The following VRK3 variants were observed in gnomAD, a reference collection of about 807,000 sequenced individuals.
VRK3 encodes the protein VRK serine/threonine kinase 3, also known as serine/threonine-protein kinase VRK3.
In VRK3, 50 loss-of-function variants were observed where a neutral mutation model predicts 60.4. The observed-to-expected ratio is 0.83, with a 90% CI of 0.66 to 1.05. The LOEUF is 1.05. VRK3 is among the 50% of genes least tolerant of loss of function. VRK3 has a pLI of 0.00. For synonymous variants in VRK3, 246 were observed against 227.8 expected (o/e 1.08, Z -0.72); for missense variants, 549 against 585.3 (o/e 0.94, Z 0.64).
intron 2 of VRK3, among the ~76,000 whole-genome samples, chr19:50,019,814 AG>A (rs1437535685): frequency 2.7e-5 from 4 of 149,716 alleles, no homozygotes; most frequent in African/African-American, 9.8e-5. Context: ...CTGGGATTAC[AG>A]GTGTGGGCCA....
At chr19:49,992,717 CTTAT>C (rs2076632390) in intron 10 of VRK3, 139 bp downstream of exon 10, 2 of 692,620 alleles carry the variant, frequency 2.9e-6, no homozygotes, top group Non-Finnish European at 2.3e-6. Context: ...AGTTGCTTAT[CTTAT>C]TTATTTGAAG....
At chr19:50,017,224 A>C (rs2077093169) in intron 2 of VRK3, among the ~76,000 whole-genome samples, 1 of 151,896 alleles carries the variant, frequency 6.6e-6, no homozygotes, top group Non-Finnish European at 1.5e-5. Flanking sequence ...GCAGCAACAA[A>C]AAAAGGCCAT....
chr19:49,993,066 G>A, intron 9 of VRK3, 114 bp from the exon 10 acceptor site: 1 of 924,008 alleles, frequency 1.1e-6, no homozygotes, highest in Non-Finnish European at 1.7e-6. Context: ...CCGACACTGT[G>A]ACTGGGGGTT....
At chr19:49,997,414 C>T in intron 7 of VRK3, 90 bp downstream of exon 7, 4 of 1,443,312 alleles carry the variant, frequency 2.8e-6, no homozygotes, top group Non-Finnish European at 3.8e-6. Context: ...TAAGCCCACC[C>T]TTCTCATGCC....
intron 3 of VRK3, among the ~76,000 whole-genome samples, chr19:50,012,746 G>A (rs748651595): frequency 2.6e-5 from 4 of 152,200 alleles, no homozygotes; most frequent in East Asian, 3.9e-4. Context: ...GTGGTGGTGC[G>A]CGGCTGTAAT....
rs2076574308 is a variant in VRK3, at chr19:49,989,560, C to T, written c.1096+79G>A. 2.0e-6 allele frequency: 3 copies of T among 1,510,682 alleles called. No homozygotes were observed. In the Admixed American group the frequency reaches 6.0e-5, roughly 30 times the overall value. 93.6% of individuals were successfully genotyped at this position (1,510,682 alleles called of 1,614,324 possible). On this transcript the variant is annotated intron_variant, in intron 11 of 14. Coordinates refer to ENST00000316763, the MANE Select transcript of VRK3 (RefSeq NM_016440.4). ...CCTCTCCTGTCTGGCCACCTGCTGT[C>T]TCTGGCTGTGAACTCCTAGAGCTGC...
rs1297279991 is a variant in VRK3 at position 49,993,069 on chromosome 19, T to TG, written c.871-118dup. On this transcript the variant is annotated intron_variant, in intron 9 of 14. Coordinates refer to ENST00000316763, the MANE Select transcript of VRK3 (RefSeq NM_016440.4). ...GCCTGGGGTTGTCCGACACTGTGACTGGGGGTTAAACCTGACTAAATCCGG... is the reference window on the plus strand; with the variant it reads ...GCCTGGGGTTGTCCGACACTGTGACTGGGGGGTTAAACCTGACTAAATCCGG... The TG allele has an allele frequency of 3.6e-5, 33 of 909,292 alleles. No homozygotes were observed. In the Admixed American group the frequency reaches 6.6e-4, roughly 18 times the overall value. The allele number at this position is 909,292 out of a possible 1,614,324, so 56.3% of individuals were successfully genotyped here.
intron 6 of VRK3, chr19:50,000,142 A>G (rs568111774): frequency 2.0e-5 from 3 of 152,466 alleles, no homozygotes; most frequent in East Asian, 3.9e-4. Flanking sequence ...CAAAAAGAAA[A>G]TAAGAGTCAC....
chr19:50,001,010 T>G, intron 5 of VRK3, 156 bp from the exon 6 acceptor site: 2 of 631,632 alleles, frequency 3.2e-6, no homozygotes, highest in Non-Finnish European at 5.5e-6. Flanking sequence ...TTCCTAGTTT[T>G]AAATAAGCTT....
intron 5 of VRK3, among the ~76,000 whole-genome samples, chr19:50,003,549 G>A (rs570984652): frequency 6.6e-6 from 1 of 152,314 alleles, no homozygotes; most frequent in African/African-American, 2.4e-5. Flanking sequence ...CGAGGCCCGG[G>A]ATATATGACA....
At chr19:50,004,555 G>A (rs2076862159) in intron 5 of VRK3, among the ~76,000 whole-genome samples, 1 of 152,168 alleles carries the variant, frequency 6.6e-6, no homozygotes, top group South Asian at 2.1e-4. Flanking sequence ...GTTGCAGGAT[G>A]GGGTAATATG....
chr19:49,993,073 G>A lies in VRK3; in HGVS notation c.871-121C>T, dbSNP rs1291305635. 1.1e-5 allele frequency: 9 copies of A among 829,774 alleles called. No individual in the cohort carries two copies. The Admixed American group carries it at 1.6e-4, about 15-fold the overall frequency. 51.4% of individuals were successfully genotyped at this position (829,774 alleles called of 1,614,324 possible). A position where few individuals can be genotyped will look rare whatever the true frequency, so the allele number is the denominator to read the frequency against. On this transcript the variant is annotated intron_variant, in intron 9 of 14. Transcript: ENST00000316763. ...GGGGTTGTCCGACACTGTGACTGGG[G>A]GTTAAACCTGACTAAATCCGGGGTA...
intron 14 of VRK3, chr19:49,978,498 C>T (rs138022769): frequency 6.5e-6 from 1 of 152,944 alleles, no homozygotes; most frequent in East Asian, 1.9e-4. Context: ...ACAGCGTGCG[C>T]CAGCAGCCGG....
At position 50,011,627 on chromosome 19, in the gene VRK3, C is replaced by T. The variant is rs534704391; in HGVS notation, c.140-2242G>A. Among the ~76,000 whole-genome samples, 7 of 151,650 alleles carry T rather than the reference C, an allele frequency of 4.6e-5. No homozygotes were observed. The South Asian group carries it at 1.5e-3, about 32-fold the overall frequency. On this transcript the variant is annotated intron_variant, in intron 3 of 14. Transcript: ENST00000316763. ...CTCCCATGGTCCTGCCTGTCTTCCC[C>T]CAGGCAGAAATGTTCCTCACTCCTC...
chr19:49,992,241 C>T (rs2076624126), intron 10 of VRK3, among the ~76,000 whole-genome samples: 1 of 152,222 alleles, frequency 6.6e-6, no homozygotes, highest in Non-Finnish European at 1.5e-5. Flanking sequence ...AACCCCATCT[C>T]TACTAAAAAT....
At chr19:49,982,044 G>A (rs1191413482) in intron 12 of VRK3, 18 of 679,970 alleles carry the variant, frequency 2.6e-5, no homozygotes, top group South Asian at 7.8e-5. Flanking sequence ...GTGGTCCCCC[G>A]GAGGCGGCTG....
Position 50,011,338 on chromosome 19 carries a change from C to A in VRK3, c.140-1953G>T, listed in dbSNP as rs1032335667. On this transcript the variant is annotated intron_variant, in intron 3 of 14. Transcript: ENST00000316763. ...ATTCCACATATTTGGGCACACTGAA[C>A]AATAAGGAGTTTTTATTATCATCTG... Among the ~76,000 whole-genome samples the A allele has an allele frequency of 1.3e-5, 2 of 152,174 alleles. 1 individual carries two copies. Among genetic ancestry groups the A allele is most frequent in the Admixed American group, 1.3e-4 (2 of 15,278 alleles).
At chr19:49,999,452 G>A (rs1000498962) in intron 6 of VRK3, 2 of 152,356 alleles carry the variant, frequency 1.3e-5, no homozygotes, top group Non-Finnish European at 1.5e-5. Context: ...CATCTCTGCA[G>A]ATGTCCCCAG....
intron 1 of VRK3, chr19:50,024,765 C>CT (rs1293859144): frequency 6.6e-6 from 1 of 152,262 alleles, no homozygotes; most frequent in Non-Finnish European, 1.5e-5. Context: ...AACCCTAAGA[C>CT]TCCAACCCTC....
Sources: allele counts gnomAD v4.1 joint callset (sites outside exome capture counted in the v4.1 genomes callset), GRCh38; gene constraint gnomAD v4.1.1; transcripts MANE v1.5; gene names NCBI Gene and HGNC (gene_info 2026-07-23, HGNC 2026-07-21).